Variants in PDE4D observed in about 807,000 individuals in gnomAD.
PDE4D encodes 3',5'-cyclic-AMP phosphodiesterase 4D.
PDE4D carries 24 observed loss-of-function variants against 87.4 expected under a neutral mutation model. The observed-to-expected ratio is 0.27, with a 90% CI of 0.20 to 0.39. The LOEUF (loss-of-function observed/expected upper bound fraction) is 0.39, where lower values mean the gene tolerates loss of function less well. PDE4D is among the 10% of genes least tolerant of loss of function. PDE4D has a pLI of 1.00. For missense variants in PDE4D, 714 were observed against 1,041.0 expected (o/e 0.69, Z 4.32); for synonymous variants, 384 against 383.2 (o/e 1.00, Z -0.02).
chr5:59,026,348 A>C (rs539838688), intron 6 of PDE4D, among the ~76,000 whole-genome samples: 4 of 152,340 alleles, frequency 2.6e-5, no homozygotes, highest in Admixed American at 2.6e-4. Context: ...AAAGAAAAAA[A>C]CCTTTCTTGA....
intron 2 of PDE4D, among the ~76,000 whole-genome samples, chr5:60,083,479 C>A (rs1368078914): frequency 6.6e-6 from 1 of 152,222 alleles, no homozygotes; most frequent in Non-Finnish European, 1.5e-5. Context: ...ATCTAATATT[C>A]TTTCAAAGCA....
chr5:59,950,638 T>G (rs919818126), intron 3 of PDE4D, among the ~76,000 whole-genome samples: 7 of 152,106 alleles, frequency 4.6e-5, no homozygotes, highest in Non-Finnish European at 1.0e-4. Flanking sequence ...GGATATCACT[T>G]AAGATATTCT....
chr5:60,063,783 G>A (rs1771748609), intron 2 of PDE4D, among the ~76,000 whole-genome samples: 1 of 152,070 alleles, frequency 6.6e-6, no homozygotes, highest in South Asian at 2.1e-4. Context: ...GGAGGTGATG[G>A]CTGGCATAAT....
intron 1 of PDE4D, among the ~76,000 whole-genome samples, chr5:59,545,916 T>C (rs975039275): frequency 6.6e-6 from 1 of 152,206 alleles, no homozygotes; most frequent in African/African-American, 2.4e-5. Flanking sequence ...TGTAAAGTTT[T>C]GTTGATGGAG....
intron 2 of PDE4D, among the ~76,000 whole-genome samples, chr5:60,177,970 C>G (rs1784073063): frequency 6.6e-6 from 1 of 151,984 alleles, no homozygotes; most frequent in Non-Finnish European, 1.5e-5. Flanking sequence ...TACATATGCA[C>G]AAATTATATA....
In PDE4D at chr5:59,327,518, T is replaced by A. The variant is rs545133867; in HGVS notation, c.456-111550A>T. 2.6e-5 allele frequency among the ~76,000 whole-genome samples: 4 copies of A among 152,258 alleles called. No homozygotes were observed. In the South Asian group the frequency reaches 8.3e-4, roughly 32 times the overall value. The stretch of plus-strand genomic sequence containing the variant: ...AGAATTGTACTGCAAAGTGTTCAGA[T>A]TAGGCAGGCCCAAAAATGAAAAAAT... On this transcript the variant is annotated intron_variant, in intron 1 of 14. Coordinates refer to ENST00000340635, the MANE Select transcript of PDE4D (RefSeq NM_001104631.2).
chr5:59,005,581 G>C (rs886668072), intron 6 of PDE4D, among the ~76,000 whole-genome samples: 2 of 152,166 alleles, frequency 1.3e-5, no homozygotes, highest in Non-Finnish European at 1.5e-5. Flanking sequence ...AATAGAGCCA[G>C]AGAGATACAA....
At chr5:59,094,388 A>T (rs991085550) in intron 5 of PDE4D, among the ~76,000 whole-genome samples, 2 of 152,088 alleles carry the variant, frequency 1.3e-5, no homozygotes, top group Non-Finnish European at 2.9e-5. Flanking sequence ...AAAACAATTA[A>T]GAAATTAAAG....
intron 3 of PDE4D, among the ~76,000 whole-genome samples, chr5:59,927,583 T>G (rs1561870735): frequency 6.6e-6 from 1 of 152,238 alleles, no homozygotes; most frequent in Non-Finnish European, 1.5e-5. Context: ...ACTTGGTATT[T>G]TTTTCCTTCA....
At chr5:59,975,704 T>C (rs1166719714) in intron 3 of PDE4D, among the ~76,000 whole-genome samples, 1 of 152,250 alleles carries the variant, frequency 6.6e-6, no homozygotes, top group East Asian at 1.9e-4. Context: ...ATTGGTTACA[T>C]GAAAAGTTAA....
chr5:59,183,737 C>G (rs566153309), intron 4 of PDE4D, among the ~76,000 whole-genome samples: 14 of 152,164 alleles, frequency 9.2e-5, no homozygotes, highest in African/African-American at 3.4e-4. Flanking sequence ...ACATAGAAAA[C>G]GTGATTGGTA....
chr5:60,309,790 TC>T (rs1754838217), intron 1 of PDE4D, among the ~76,000 whole-genome samples: 1 of 152,230 alleles, frequency 6.6e-6, no homozygotes, highest in Admixed American at 6.5e-5. Flanking sequence ...AATTTTAGTT[TC>T]TTATAGCAAT....
At chr5:60,223,164 C>G (rs190406248) in intron 1 of PDE4D, among the ~76,000 whole-genome samples, 52 of 152,196 alleles carry the variant, frequency 3.4e-4, no homozygotes, top group Non-Finnish European at 4.4e-4. Flanking sequence ...CAGTGAGATA[C>G]TCAGGACTCT....
chr5:59,420,634 G>A (rs1794317375), intron 1 of PDE4D, among the ~76,000 whole-genome samples: 1 of 149,704 alleles, frequency 6.7e-6, no homozygotes, highest in Admixed American at 6.7e-5. Context: ...AGCAACAGAA[G>A]GAGAAAATTA....
chr5:59,339,652 A>T (rs1778359296), intron 1 of PDE4D, among the ~76,000 whole-genome samples: 3 of 152,206 alleles, frequency 2.0e-5, no homozygotes, highest in Admixed American at 2.0e-4. Context: ...TTCCATGGGC[A>T]CACGTTCGGT....
chr5:59,499,242 C>G (rs1314178069), intron 1 of PDE4D, among the ~76,000 whole-genome samples: 1 of 150,716 alleles, frequency 6.6e-6, no homozygotes, highest in Non-Finnish European at 1.5e-5. Context: ...TACAACATAC[C>G]AAAACCTCTA....
intron 1 of PDE4D, among the ~76,000 whole-genome samples, chr5:59,666,976 A>C (rs1472773396): frequency 6.6e-6 from 1 of 152,208 alleles, no homozygotes; most frequent in East Asian, 1.9e-4. Flanking sequence ...GTAAACATAT[A>C]TAAGGCAGAG....
At chr5:60,450,263 CT>C in intron 1 of PDE4D, among the ~76,000 whole-genome samples, 1 of 152,062 alleles carries the variant, frequency 6.6e-6, no homozygotes. Context: ...CAAAAGACTT[CT>C]AAACCTGTGA....
At chr5:59,319,126 C>T (rs1774244927) in intron 1 of PDE4D, among the ~76,000 whole-genome samples, 2 of 151,136 alleles carry the variant, frequency 1.3e-5, no homozygotes, top group African/African-American at 2.4e-5. Flanking sequence ...CCTTAAACTA[C>T]ATGCTAATTT....
Sources: allele counts gnomAD v4.1 joint callset (sites outside exome capture counted in the v4.1 genomes callset), GRCh38; gene constraint gnomAD v4.1.1; transcripts MANE v1.5; gene names NCBI Gene and HGNC (gene_info 2026-07-23, HGNC 2026-07-21).